Variants in ARB2A observed in about 807,000 individuals in gnomAD.
The protein encoded by ARB2A is cotranscriptional regulator ARB2A.
chr5:93,992,493 C>T, the ARB2A span, among the ~76,000 whole-genome samples: 1 of 152,108 alleles, frequency 6.6e-6, no homozygotes, highest in South Asian at 2.1e-4. Flanking sequence ...AAGTGGATTA[C>T]AACCAAATAT....
the ARB2A span, among the ~76,000 whole-genome samples, chr5:93,894,868 C>A: frequency 1.3e-5 from 2 of 152,140 alleles, no homozygotes; most frequent in African/African-American, 4.8e-5. Flanking sequence ...TAATTTACAG[C>A]ATGGAATAGT....
the ARB2A span, among the ~76,000 whole-genome samples, chr5:93,869,084 A>C: frequency 6.6e-6 from 1 of 152,210 alleles, no homozygotes; most frequent in Non-Finnish European, 1.5e-5. Context: ...TTAGCTGTAT[A>C]ACTATGAGTA....
chr5:93,807,421 A>G, the ARB2A span, among the ~76,000 whole-genome samples: 1 of 151,966 alleles, frequency 6.6e-6, no homozygotes, highest in Admixed American at 6.6e-5. Context: ...ATATTTGACA[A>G]ATTTGTACTA....
chr5:94,019,225 C>A, the ARB2A span, among the ~76,000 whole-genome samples: 1 of 152,114 alleles, frequency 6.6e-6, no homozygotes, highest in Non-Finnish European at 1.5e-5. Flanking sequence ...AAAACCTAGG[C>A]AATACCATTC....
At chr5:93,919,407 T>C in the ARB2A span, among the ~76,000 whole-genome samples, 2 of 152,170 alleles carry the variant, frequency 1.3e-5, no homozygotes, top group Non-Finnish European at 2.9e-5. Flanking sequence ...TATTTTAGAA[T>C]ATTTTGGTAA....
chr5:93,624,841 G>A, the ARB2A span, among the ~76,000 whole-genome samples: 1 of 152,056 alleles, frequency 6.6e-6, no homozygotes, highest in African/African-American at 2.4e-5. Flanking sequence ...TTGAAAACCT[G>A]TTTATAATTA....
chr5:93,687,127 A>G, the ARB2A span, among the ~76,000 whole-genome samples: 1 of 152,184 alleles, frequency 6.6e-6, no homozygotes, highest in Admixed American at 6.5e-5. Context: ...AAGAATTGAC[A>G]AAGACTCAAT....
the ARB2A span, among the ~76,000 whole-genome samples, chr5:94,091,063 T>C: frequency 6.6e-6 from 1 of 152,212 alleles, no homozygotes; most frequent in African/African-American, 2.4e-5. Flanking sequence ...GACTGAAGTC[T>C]TTCTTCATTT....
chr5:93,993,582 G>A, the ARB2A span, among the ~76,000 whole-genome samples: 28 of 152,042 alleles, frequency 1.8e-4, no homozygotes, highest in Middle Eastern at 3.4e-3. Flanking sequence ...TGGTGGGAGA[G>A]GTGTATCTCC....
At chr5:93,960,606 G>A in the ARB2A span, among the ~76,000 whole-genome samples, 1 of 152,154 alleles carries the variant, frequency 6.6e-6, no homozygotes, top group Non-Finnish European at 1.5e-5. Context: ...CTTTTGGAAT[G>A]AGGAATCTTA....
the ARB2A span, chr5:93,804,921 A>T: frequency 4.2e-6 from 4 of 958,556 alleles, no homozygotes; most frequent in African/African-American, 7.0e-5. Flanking sequence ...GTAACCAGAG[A>T]TATATAATAA....
chr5:93,893,566 C>T, the ARB2A span, among the ~76,000 whole-genome samples: 2 of 152,226 alleles, frequency 1.3e-5, no homozygotes, highest in Middle Eastern at 6.8e-3. Flanking sequence ...TGCTATTTGC[C>T]ACTACAGAAC....
chr5:93,767,639 C>T, the ARB2A span, among the ~76,000 whole-genome samples: 7 of 151,916 alleles, frequency 4.6e-5, no homozygotes, highest in Non-Finnish European at 8.8e-5. Context: ...CATAAATTAA[C>T]GAGTTAAGAA....
chr5:93,625,776 T>C, the ARB2A span, among the ~76,000 whole-genome samples: 1 of 152,192 alleles, frequency 6.6e-6, no homozygotes, highest in Non-Finnish European at 1.5e-5. Context: ...AAGTGCCTTG[T>C]AATAGAACTG....
chr5:94,051,194 T>C, the ARB2A span, among the ~76,000 whole-genome samples: 1 of 152,156 alleles, frequency 6.6e-6, no homozygotes. Flanking sequence ...TATTAAGAAG[T>C]TAAGCAACTT....
At chr5:93,637,190 G>A in the ARB2A span, among the ~76,000 whole-genome samples, 7 of 151,954 alleles carry the variant, frequency 4.6e-5, no homozygotes, top group Non-Finnish European at 1.0e-4. Context: ...TAAACTTTTG[G>A]AATTGGCTTT....
the ARB2A span, among the ~76,000 whole-genome samples, chr5:94,079,064 C>T: frequency 2.0e-5 from 3 of 152,138 alleles, no homozygotes; most frequent in Non-Finnish European, 4.4e-5. Context: ...TAATATGCAT[C>T]ACTTGGATGA....
chr5:93,731,540 T>C, the ARB2A span, among the ~76,000 whole-genome samples: 1 of 152,192 alleles, frequency 6.6e-6, no homozygotes, highest in Non-Finnish European at 1.5e-5. Flanking sequence ...CCTAGAAAAC[T>C]AACAGCGTGG....
At chr5:93,793,803 C>G in the ARB2A span, among the ~76,000 whole-genome samples, 3 of 152,108 alleles carry the variant, frequency 2.0e-5, no homozygotes, top group Non-Finnish European at 1.5e-5. Flanking sequence ...CAAGAATGAA[C>G]AGAGAGAGAA....
Sources: gnomAD v4.1 joint callset for allele counts (sites outside exome capture counted in the v4.1 genomes callset) on GRCh38, gnomAD v4.1.1 for gene constraint, MANE v1.5 for transcripts, NCBI Gene and HGNC (gene_info 2026-07-23, HGNC 2026-07-21) for gene names.